The following SLC9B1 variants were observed in gnomAD, a reference collection of about 807,000 sequenced individuals.
SLC9B1 encodes sodium/hydrogen exchanger 9B1.
Under a neutral mutation model 51.7 loss-of-function variants are expected in SLC9B1, and 32 were observed. The observed-to-expected ratio is 0.62, with a 90% confidence interval of 0.47 to 0.83. The LOEUF (loss-of-function observed/expected upper bound fraction) is 0.83, where lower values mean the gene tolerates loss of function less well. Ranked by LOEUF, SLC9B1 falls within the 40% of genes least tolerant of loss-of-function variation. The probability of loss-of-function intolerance (pLI) is 0.00; values close to 1 mark genes in which losing one functional copy is unlikely to be tolerated. For synonymous variants in SLC9B1, 145 were observed against 212.7 expected (o/e 0.68, Z 2.77); for missense variants, 406 against 613.2 (o/e 0.66, Z 3.57).
chr4:103,010,247 C>G (rs1456887005), intron 1 of SLC9B1, among the ~76,000 whole-genome samples: 1 of 151,658 alleles, frequency 6.6e-6, no homozygotes, highest in Non-Finnish European at 1.5e-5. Context: ...GGCACCCCAG[C>G]ATCTTGAGAG....
chr4:102,945,827 T>C (rs1438717646), intron 5 of SLC9B1, among the ~76,000 whole-genome samples: 1 of 152,156 alleles, frequency 6.6e-6, no homozygotes, highest in Admixed American at 6.5e-5. Flanking sequence ...TTATTTATGC[T>C]CTTGAGCTAT....
At chr4:102,969,070 G>T (rs1296602923) in intron 3 of SLC9B1, among the ~76,000 whole-genome samples, 1 of 152,226 alleles carries the variant, frequency 6.6e-6, no homozygotes. Flanking sequence ...GCTCAACGAG[G>T]CCTGGCAGCC....
chr4:102,991,645 G>C lies in SLC9B1; in HGVS notation c.67C>G (p.Gln23Glu). Residue 23 changes from glutamine (Q) to glutamate (E), a missense_variant and splice_region_variant, in exon 2 of 12, where the codon CAG becomes GAG. Physicochemically the swap from Gln to Glu is conservative, Grantham distance 29. Transcript: ENST00000296422. ...ACAGTATACTTTTAAGTTTTTACCT[G>C]AGGAGTTGTAGATGTTTGGAAGTTT... is the stretch of plus-strand genomic sequence containing the variant. Reference protein sequence around the residue: ...DENFQTSTTPQSLIDPNNTAQ... With the variant: ...DENFQTSTTPESLIDPNNTAQ... 6.3e-7 allele frequency: 1 copy of C among 1,578,512 alleles called. No homozygotes were observed. Among genetic ancestry groups the C allele is most frequent in the South Asian group, 1.2e-5 (1 of 86,662 alleles).
exon 12 of SLC9B1, chr4:102,885,257 G>C (rs757788592): frequency 3.7e-6 from 6 of 1,614,032 alleles, no homozygotes; most frequent in Non-Finnish European, 5.1e-6. Context: ...TGGTGTACTC[G>C]CACTTCTTGG....
chr4:102,956,397 T>C (rs1218679508), intron 3 of SLC9B1, among the ~76,000 whole-genome samples: 1 of 150,526 alleles, frequency 6.6e-6, no homozygotes, highest in Admixed American at 6.6e-5. Context: ...ATATGGCCGA[T>C]TGGAAAAGTA....
At position 102,989,858 on chromosome 4, in the gene SLC9B1, T is replaced by C; in HGVS notation, c.153A>G (p.Lys51=). 1 of 1,604,562 alleles carries C rather than the reference T, an allele frequency of 6.2e-7. No homozygotes were observed. Among genetic ancestry groups the C allele is most frequent in the South Asian group, 1.1e-5 (1 of 90,204 alleles). ...GAGGACAAGAAATGTATGTCTCCTT[T>C]TTTGTCTGTGGTTTTATTTCTTCTG... ...SDTEEIKPQT[K]KETYISCPLR... The change falls in exon 3 of 12, where the codon AAA becomes AAG. Residue 51 remains lysine, a synonymous_variant. Transcript: ENST00000296422.
chr4:102,987,377 C>A (rs544263550), intron 3 of SLC9B1, among the ~76,000 whole-genome samples: 3 of 152,120 alleles, frequency 2.0e-5, no homozygotes, highest in South Asian at 4.1e-4. Context: ...AAGTTTAGAT[C>A]AAAAATAACA....
chr4:102,964,032 A>G lies in SLC9B1; in HGVS notation c.212-14605T>C, dbSNP rs1192633417. On this transcript the variant is annotated intron_variant, in intron 3 of 11. Transcript: ENST00000296422. ...AAACTCAAAATTGCTTATTTCGGAA[A>G]GTCAAGAAGATAAATAATATTTAGT... is the stretch of plus-strand genomic sequence containing the variant. Among the ~76,000 whole-genome samples the G allele has an allele frequency of 4.6e-5, 7 of 152,246 alleles. No homozygotes were observed. The East Asian group carries it at 1.3e-3, about 29-fold the overall frequency.
chr4:102,904,932 C>A (rs55756342), intron 11 of SLC9B1, among the ~76,000 whole-genome samples: 4 of 150,864 alleles, frequency 2.7e-5, no homozygotes, highest in African/African-American at 9.8e-5. Context: ...TGCAGTGAGC[C>A]GAGATCATGC....
At chr4:102,947,463 C>G (rs867784069) in intron 4 of SLC9B1, among the ~76,000 whole-genome samples, 14 of 152,200 alleles carry the variant, frequency 9.2e-5, no homozygotes, top group Admixed American at 5.9e-4. Flanking sequence ...TAGGCTTAAC[C>G]TCCTGAGCTC....
intron 11 of SLC9B1, among the ~76,000 whole-genome samples, chr4:102,905,202 T>C (rs1439939139): frequency 1.4e-5 from 2 of 147,528 alleles, no homozygotes; most frequent in African/African-American, 5.1e-5. Context: ...TAAGGTTCTT[T>C]GTTTTTGTTT....
intron 1 of SLC9B1, among the ~76,000 whole-genome samples, chr4:103,014,433 A>T (rs991457020): frequency 6.6e-6 from 1 of 152,224 alleles, no homozygotes; most frequent in African/African-American, 2.4e-5. Flanking sequence ...ACAAATATTC[A>T]TTGAGAGCCC....
intron 3 of SLC9B1, among the ~76,000 whole-genome samples, chr4:102,954,692 AT>A (rs149330059): frequency 6.6e-6 from 1 of 152,062 alleles, no homozygotes; most frequent in Non-Finnish European, 1.5e-5. Flanking sequence ...AACATATGCC[AT>A]TTTTTACCAG....
At chr4:102,939,368 A>C (rs1736875690) in intron 6 of SLC9B1, among the ~76,000 whole-genome samples, 1 of 138,256 alleles carries the variant, frequency 7.2e-6, no homozygotes, top group Non-Finnish European at 1.5e-5. Context: ...ATCAAAAATG[A>C]GTTCTGAAAC....
At chr4:102,925,975 A>C (rs1421455531) in intron 7 of SLC9B1, among the ~76,000 whole-genome samples, 1 of 152,250 alleles carries the variant, frequency 6.6e-6, no homozygotes, top group Admixed American at 6.5e-5. Context: ...CCATTACATA[A>C]ACAGAACCAA....
At chr4:102,964,312 C>G (rs1451850282) in intron 3 of SLC9B1, among the ~76,000 whole-genome samples, 3 of 151,720 alleles carry the variant, frequency 2.0e-5, no homozygotes, top group Non-Finnish European at 4.4e-5. Flanking sequence ...AATTTCAAAT[C>G]TTCCTATAGA....
intron 1 of SLC9B1, among the ~76,000 whole-genome samples, chr4:102,991,924 T>C (rs565865633): frequency 7.2e-5 from 11 of 152,144 alleles, no homozygotes; most frequent in Non-Finnish European, 1.2e-4. Flanking sequence ...TTAAAAACCA[T>C]TATCATACAG....
chr4:102,995,008 T>C (rs1195087553), intron 1 of SLC9B1, among the ~76,000 whole-genome samples: 1 of 152,086 alleles, frequency 6.6e-6, no homozygotes, highest in Non-Finnish European at 1.5e-5. Context: ...TATGAGGTAA[T>C]TGGTAAGAAT....
At chr4:102,929,748 A>T (rs1243807896) in intron 7 of SLC9B1, among the ~76,000 whole-genome samples, 1 of 152,184 alleles carries the variant, frequency 6.6e-6, no homozygotes, top group South Asian at 2.1e-4. Flanking sequence ...TCTTGAACTC[A>T]TGTCCTCAAG....
Sources: gnomAD v4.1 joint callset for allele counts (sites outside exome capture counted in the v4.1 genomes callset) on GRCh38, gnomAD v4.1.1 for gene constraint, MANE v1.5 for transcripts, NCBI Gene and HGNC (gene_info 2026-07-23, HGNC 2026-07-21) for gene names.